Variants in CAMK4 observed in about 807,000 individuals in gnomAD.
CAMK4 encodes calcium/calmodulin-dependent protein kinase type IV.
CAMK4 carries 22 observed loss-of-function variants against 44.9 expected under a neutral mutation model. That is an observed-to-expected ratio of 0.49 (90% CI 0.35 to 0.70). The LOEUF (loss-of-function observed/expected upper bound fraction) is 0.70. Among genes scored for constraint, CAMK4 ranks in the 30% least tolerant of loss-of-function variants. The pLI, the probability that CAMK4 is intolerant of heterozygous loss-of-function variation, is 0.01. For synonymous variants in CAMK4, 218 were observed against 215.4 expected (o/e 1.01, Z -0.11); for missense variants, 498 against 586.8 (o/e 0.85, Z 1.56).
At chr5:111,351,838 A>G (rs1327932276) in intron 2 of CAMK4, among the ~76,000 whole-genome samples, 1 of 152,060 alleles carries the variant, frequency 6.6e-6, no homozygotes, top group African/African-American at 2.4e-5. Flanking sequence ...AATAACACGA[A>G]CTTGGTGGCT....
At chr5:111,369,183 A>T (rs1750911183) in intron 2 of CAMK4, among the ~76,000 whole-genome samples, 1 of 151,802 alleles carries the variant, frequency 6.6e-6, no homozygotes, top group Non-Finnish European at 1.5e-5. Context: ...TTTCTGCCTC[A>T]GCCTCCTGAG....
chr5:111,254,463 G>A (rs1749651293), intron 1 of CAMK4, among the ~76,000 whole-genome samples: 1 of 152,176 alleles, frequency 6.6e-6, no homozygotes, highest in African/African-American at 2.4e-5. Flanking sequence ...GAACAGACCT[G>A]CTAACCTCAT....
intron 2 of CAMK4, among the ~76,000 whole-genome samples, chr5:111,355,254 C>T (rs1430254153): frequency 6.6e-6 from 1 of 151,982 alleles, no homozygotes; most frequent in East Asian, 1.9e-4. Flanking sequence ...GACTATCAAA[C>T]CAGGTCTCCT....
chr5:111,398,768 A>G (rs1752115119), intron 5 of CAMK4, among the ~76,000 whole-genome samples: 1 of 152,116 alleles, frequency 6.6e-6, no homozygotes, highest in African/African-American at 2.4e-5. Flanking sequence ...GGTTCCCTCC[A>G]TCTTCTTCAT....
At position 111,341,463 on chromosome 5, in the gene CAMK4, T is replaced by A. The variant is rs181939445; in HGVS notation, c.162-2561T>A. ...AAGCACTAGGTTTTAGAAAAACTTT[T>A]TTTTGTCACCGAATTGCCTTTTTAC... On this transcript the variant is annotated intron_variant, in intron 1 of 10. Coordinates refer to ENST00000282356, the MANE Select transcript of CAMK4 (RefSeq NM_001744.6). Among the ~76,000 whole-genome samples, 248 of 151,262 alleles carry A rather than the reference T, an allele frequency of 1.6e-3. No homozygotes were observed. The Middle Eastern group carries it at 0.024, about 15-fold the overall frequency.
chr5:111,228,538 G>GTA (rs1748310714), intron 1 of CAMK4, among the ~76,000 whole-genome samples: 1 of 151,766 alleles, frequency 6.6e-6, no homozygotes, highest in South Asian at 2.1e-4. Flanking sequence ...GTGTGTGTGT[G>GTA]TGTGTGTGTA....
intron 5 of CAMK4, among the ~76,000 whole-genome samples, chr5:111,396,564 C>T (rs568554654): frequency 2.7e-5 from 4 of 147,400 alleles, no homozygotes; most frequent in African/African-American, 1.0e-4. Flanking sequence ...CTCCATCATT[C>T]TGTGACTGTT....
intron 1 of CAMK4, among the ~76,000 whole-genome samples, chr5:111,309,851 C>G (rs1314939924): frequency 1.3e-5 from 2 of 152,128 alleles, no homozygotes; most frequent in African/African-American, 4.8e-5. Context: ...CACTGGTGGT[C>G]TCAGTGTCAT....
chr5:111,452,150 G>A (rs549576931), intron 7 of CAMK4, among the ~76,000 whole-genome samples: 5 of 152,358 alleles, frequency 3.3e-5, no homozygotes, highest in Admixed American at 6.5e-5. Context: ...GGCATTCTTT[G>A]TCAGTGGGTA....
At chr5:111,324,094 A>T (rs1748774746) in intron 1 of CAMK4, among the ~76,000 whole-genome samples, 1 of 152,042 alleles carries the variant, frequency 6.6e-6, no homozygotes, top group African/African-American at 2.4e-5. Flanking sequence ...TATCCCTTAA[A>T]GACCAAGAGA....
At chr5:111,416,866 A>C (rs1282132462) in intron 5 of CAMK4, among the ~76,000 whole-genome samples, 1 of 152,158 alleles carries the variant, frequency 6.6e-6, no homozygotes, top group Non-Finnish European at 1.5e-5. Flanking sequence ...TTAATAAATT[A>C]ATATTATTCA....
intron 1 of CAMK4, among the ~76,000 whole-genome samples, chr5:111,339,867 C>A (rs1749565089): frequency 6.6e-6 from 1 of 151,000 alleles, no homozygotes; most frequent in East Asian, 1.9e-4. Flanking sequence ...CACAGGATAT[C>A]TTTTCATTTT....
chr5:111,457,381 G>A (rs954559553), intron 7 of CAMK4, among the ~76,000 whole-genome samples: 5 of 152,138 alleles, frequency 3.3e-5, no homozygotes, highest in African/African-American at 1.2e-4. Context: ...CATGTCCTAT[G>A]AATATTACCA....
At chr5:111,253,100 G>A (rs1273617894) in intron 1 of CAMK4, among the ~76,000 whole-genome samples, 1 of 152,164 alleles carries the variant, frequency 6.6e-6, no homozygotes, top group Non-Finnish European at 1.5e-5. Context: ...TTAAATAACT[G>A]GAGCAACACA....
intron 1 of CAMK4, among the ~76,000 whole-genome samples, chr5:111,327,211 A>G (rs899409713): frequency 2.8e-5 from 4 of 141,700 alleles, no homozygotes; most frequent in African/African-American, 8.2e-5. Context: ...TCCTGTGTCC[A>G]TGTGTTCTCG....
chr5:111,393,194 G>A (rs1477640036), intron 4 of CAMK4, among the ~76,000 whole-genome samples: 1 of 152,154 alleles, frequency 6.6e-6, no homozygotes, highest in Non-Finnish European at 1.5e-5. Flanking sequence ...TGTAGGCATT[G>A]ATAATCAATT....
At chr5:111,401,181 C>T (rs932635206) in intron 5 of CAMK4, among the ~76,000 whole-genome samples, 3 of 152,140 alleles carry the variant, frequency 2.0e-5, no homozygotes, top group Admixed American at 6.5e-5. Flanking sequence ...CTCTGTCGCC[C>T]AGGCTGGAGT....
intron 7 of CAMK4, among the ~76,000 whole-genome samples, chr5:111,458,719 T>C (rs572997944): frequency 4.1e-4 from 63 of 152,256 alleles, no homozygotes; most frequent in Non-Finnish European, 5.3e-4. Context: ...GAATGGAATA[T>C]ATAAGCAAAA....
At chr5:111,254,074 T>C (rs1749634147) in intron 1 of CAMK4, among the ~76,000 whole-genome samples, 1 of 152,172 alleles carries the variant, frequency 6.6e-6, no homozygotes, top group Non-Finnish European at 1.5e-5. Flanking sequence ...TTATGAAAAA[T>C]AGAAGCTCAG....
Sources: gnomAD v4.1 joint callset for allele counts (sites outside exome capture counted in the v4.1 genomes callset) on GRCh38, gnomAD v4.1.1 for gene constraint, MANE v1.5 for transcripts, NCBI Gene and HGNC (gene_info 2026-07-23, HGNC 2026-07-21) for gene names.